UNC5C: variants seen among roughly 807,000 people sequenced by gnomAD.
UNC5C encodes unc-5 netrin receptor C, also known as netrin receptor UNC5C.
In UNC5C, 47 loss-of-function variants were observed where a neutral mutation model predicts 99.8. The observed-to-expected ratio is 0.47, with a 90% CI of 0.37 to 0.60. The LOEUF (loss-of-function observed/expected upper bound fraction) is 0.60, where lower values mean the gene tolerates loss of function less well. Among genes scored for constraint, UNC5C ranks in the 20% least tolerant of loss-of-function variants. The pLI is 0.00. For synonymous variants in UNC5C, 487 were observed against 452.2 expected (o/e 1.08, Z -0.98); for missense variants, 1,062 against 1,165.9 (o/e 0.91, Z 1.30).
intron 4 of UNC5C, among the ~76,000 whole-genome samples, chr4:95,261,029 T>A (rs1241118418): frequency 1.3e-5 from 2 of 152,072 alleles, no homozygotes; most frequent in African/African-American, 4.8e-5. Flanking sequence ...GAGATCCAAA[T>A]TCAGGACCGC....
intron 3 of UNC5C, among the ~76,000 whole-genome samples, chr4:95,285,565 C>G (rs1741201591): frequency 6.6e-6 from 1 of 152,160 alleles, no homozygotes; most frequent in Non-Finnish European, 1.5e-5. Flanking sequence ...ATAATTCTCA[C>G]ACACACTTTG....
intron 4 of UNC5C, among the ~76,000 whole-genome samples, chr4:95,268,907 T>G (rs573545332): frequency 6.6e-6 from 1 of 152,336 alleles, no homozygotes; most frequent in East Asian, 1.9e-4. Context: ...CTAGAATCCT[T>G]GTCTATAGGT....
intron 1 of UNC5C, among the ~76,000 whole-genome samples, chr4:95,477,159 A>AT (rs1457249716): frequency 1.3e-5 from 2 of 152,006 alleles, no homozygotes; most frequent in African/African-American, 4.8e-5. Context: ...GAAGGAGAAG[A>AT]TTTTGCCTAC....
chr4:95,461,097 CAAT>C (rs1321001141), intron 1 of UNC5C, among the ~76,000 whole-genome samples: 3 of 152,140 alleles, frequency 2.0e-5, no homozygotes, highest in Admixed American at 6.5e-5. Context: ...AAATTATTGA[CAAT>C]GATAGTTATT....
chr4:95,466,438 T>C (rs112481149), intron 1 of UNC5C, among the ~76,000 whole-genome samples: 1 of 152,086 alleles, frequency 6.6e-6, no homozygotes, highest in African/African-American at 2.4e-5. Flanking sequence ...ATGATGCTTG[T>C]AACTTTTTAA....
At chr4:95,249,456 G>C (rs547280829) in intron 5 of UNC5C, among the ~76,000 whole-genome samples, 1 of 152,164 alleles carries the variant, frequency 6.6e-6, no homozygotes, top group African/African-American at 2.4e-5. Flanking sequence ...ATACTTCCCA[G>C]GTTGTTCAAT....
At chr4:95,231,345 A>T (rs1738904311) in intron 7 of UNC5C, among the ~76,000 whole-genome samples, 1 of 152,208 alleles carries the variant, frequency 6.6e-6, no homozygotes, top group Non-Finnish European at 1.5e-5. Flanking sequence ...ATAGATTCAT[A>T]TCTTATGGGG....
Position 95,266,568 on chromosome 4 carries a change from T to C in UNC5C, c.594+11691A>G, listed in dbSNP as rs1434654263. The stretch of plus-strand genomic sequence containing the variant: ...CTTTTTATAGCTCCTAGACTCATGG[T>C]TTTATAGTTTCGCTGTTACTGCTAT... On this transcript the variant is annotated intron_variant, in intron 4 of 15. Transcript: ENST00000453304. Among the ~76,000 whole-genome samples, 8 of 152,166 alleles carry C rather than the reference T, an allele frequency of 5.3e-5. No homozygotes were observed. The East Asian group carries it at 1.5e-3, about 29-fold the overall frequency.
At chr4:95,258,640 A>C (rs2149385470) in intron 4 of UNC5C, among the ~76,000 whole-genome samples, 1 of 152,182 alleles carries the variant, frequency 6.6e-6, no homozygotes. Context: ...GGATTTTATT[A>C]ACAGGTACTA....
intron 7 of UNC5C, among the ~76,000 whole-genome samples, chr4:95,233,447 T>G (rs2149374337): frequency 6.6e-6 from 1 of 152,250 alleles, no homozygotes; most frequent in African/African-American, 2.4e-5. Context: ...CTAAAATCTA[T>G]AGGAATGGTT....
At chr4:95,498,356 G>A (rs1721683156) in intron 1 of UNC5C, among the ~76,000 whole-genome samples, 1 of 151,868 alleles carries the variant, frequency 6.6e-6, no homozygotes, top group Non-Finnish European at 1.5e-5. Context: ...TTTAGCAAAA[G>A]GAAAGATCAT....
At chr4:95,246,877 A>C (rs897115043) in intron 5 of UNC5C, among the ~76,000 whole-genome samples, 1 of 151,900 alleles carries the variant, frequency 6.6e-6, no homozygotes, top group Non-Finnish European at 1.5e-5. Flanking sequence ...CTTCATCTCT[A>C]CAGAAAATAC....
At chr4:95,531,378 AC>A (rs1433125984) in intron 1 of UNC5C, among the ~76,000 whole-genome samples, 1 of 152,182 alleles carries the variant, frequency 6.6e-6, no homozygotes, top group Non-Finnish European at 1.5e-5. Flanking sequence ...ACAAACAACT[AC>A]CAGTTAAAGA....
chr4:95,180,283 A>T (rs1046248617), intron 14 of UNC5C, among the ~76,000 whole-genome samples: 1 of 152,254 alleles, frequency 6.6e-6, no homozygotes, highest in Admixed American at 6.5e-5. Context: ...GGAATTTCCC[A>T]TGATGGATGT....
intron 1 of UNC5C, among the ~76,000 whole-genome samples, chr4:95,342,838 C>A (rs1026109052): frequency 6.6e-6 from 1 of 151,882 alleles, no homozygotes; most frequent in African/African-American, 2.4e-5. Flanking sequence ...CTGAAGAGCC[C>A]TTGGGCCTTA....
At chr4:95,177,340 A>G (rs1736406085) in intron 14 of UNC5C, among the ~76,000 whole-genome samples, 1 of 152,204 alleles carries the variant, frequency 6.6e-6, no homozygotes, top group Non-Finnish European at 1.5e-5. Context: ...AGTTTCAGCC[A>G]TCATGAAGTG....
chr4:95,441,530 A>G (rs1028919210), intron 1 of UNC5C, among the ~76,000 whole-genome samples: 24 of 152,148 alleles, frequency 1.6e-4, no homozygotes, highest in Admixed American at 6.5e-4. Flanking sequence ...GCCTAATGTT[A>G]TTTGTTTAAG....
At chr4:95,489,423 G>A (rs1469842139) in intron 1 of UNC5C, among the ~76,000 whole-genome samples, 1 of 151,654 alleles carries the variant, frequency 6.6e-6, no homozygotes, top group East Asian at 2.0e-4. Flanking sequence ...TGCAGGCCAC[G>A]ATGAAGAGTA....
Position 95,540,229 on chromosome 4 carries a change from T to A in UNC5C, c.124+8505A>T, listed in dbSNP as rs75539832. On this transcript the variant is annotated intron_variant, in intron 1 of 15. Coordinates refer to ENST00000453304, the MANE Select transcript of UNC5C (RefSeq NM_003728.4). The stretch of plus-strand genomic sequence containing the variant: ...TCCCAAATTCTTTTGCTATATTAAT[T>A]GAAATAAGTGCAAATCAAGACTCTA... Among the ~76,000 whole-genome samples, 247 of 152,314 alleles carry A rather than the reference T, an allele frequency of 1.6e-3. 3 individuals carry two copies. Among genetic ancestry groups the A allele is most frequent in the African/African-American group, 5.6e-3 (231 of 41,564 alleles).
Sources: allele counts gnomAD v4.1 joint callset (sites outside exome capture counted in the v4.1 genomes callset), GRCh38; gene constraint gnomAD v4.1.1; transcripts MANE v1.5; gene names NCBI Gene and HGNC (gene_info 2026-07-23, HGNC 2026-07-21).